Variants in DNAJB9 observed in about 807,000 individuals in gnomAD.
DNAJB9 encodes the protein dnaJ homolog subfamily B member 9.
In DNAJB9, 12 loss-of-function variants were observed where a neutral mutation model predicts 19.2. The ratio of observed to expected loss-of-function variants is 0.62; its 90% confidence interval spans 0.40 to 1.01. The LOEUF is 1.01. Ranked by LOEUF, DNAJB9 falls within the 50% of genes least tolerant of loss-of-function variation. The pLI is 0.00. For synonymous variants in DNAJB9, 83 were observed against 84.0 expected, an observed-to-expected ratio of 0.99 and a Z score of 0.07; for missense variants, 272 against 261.1, an observed-to-expected ratio of 1.04 and a Z score of -0.29.
rs143935810 is a variant in DNAJB9, at chr7:108,572,925, A to G, written c.244A>G (p.Arg82Gly). The G allele has an allele frequency of 6.6e-5, 106 of 1,608,356 alleles. No individual in the cohort carries two copies. The highest frequency in any genetic ancestry group is 7.8e-5 in the Non-Finnish European group (92 of 1,176,380). Reference sequence around the variant, plus strand: ...ATATGAAACACTCTCAGATGCTAATAGACGAAAAGAGTATGATACACTTGG... The same window carrying G: ...ATATGAAACACTCTCAGATGCTAATGGACGAAAAGAGTATGATACACTTGG... ...EAYETLSDAN[R>G]RKEYDTLGHS... The change falls in exon 3 of 3, where the codon AGA (arginine) becomes GGA (glycine). Residue 82 changes from arginine (R) to glycine (G), a missense_variant. By Grantham distance (125) the Arg-to-Gly change is moderately radical (BLOSUM62 -2). Transcript: ENST00000249356.
rs138168346 is a variant in DNAJB9, at chr7:108,571,810, T to A, written c.84T>A (p.Tyr28Ter). ...TELILASKSY[Y>*]DILGVPKSAS... The stretch of plus-strand genomic sequence containing the variant: ...TAATTCTGGCCTCAAAAAGCTACTA[T>A]GATATCTTAGGTGTGCCAAAATCGG... The change falls in exon 2 of 3, where the codon TAT becomes TAA. Residue 28 changes from tyrosine (Y) to a stop codon, truncating the protein, a stop_gained. Coordinates refer to ENST00000249356, the MANE Select transcript of DNAJB9 (RefSeq NM_012328.3). LOFTEE classifies it high-confidence loss of function. 1 of 1,614,202 alleles carries A rather than the reference T, an allele frequency of 6.2e-7. No homozygotes were observed. The highest frequency in any genetic ancestry group is 1.3e-5 in the African/African-American group (1 of 75,046).
rs752573127 is a variant in DNAJB9, at chr7:108,571,828, AAAATCGGCATCAGAGCGCC to A, written c.108_126del (p.Ala37ArgfsTer9). Reference sequence around the variant, plus strand: ...GCTACTATGATATCTTAGGTGTGCCAAAATCGGCATCAGAGCGCCAAATCAAGAAGGCCTTTCACAAGTT... The same window carrying A: ...GCTACTATGATATCTTAGGTGTGCCAAAATCAAGAAGGCCTTTCACAAGTT... On this transcript the variant is annotated frameshift_variant, in exon 2 of 3. Transcript: ENST00000249356. LOFTEE classifies it high-confidence loss of function. The A allele has an allele frequency of 6.2e-7, 1 of 1,614,214 alleles. No homozygotes were observed. Among genetic ancestry groups the A allele is most frequent in the East Asian group, 2.2e-5 (1 of 44,886 alleles).
chr7:108,572,834 A>C, intron 2 of DNAJB9, 65 bp from the exon 3 acceptor site: 1 of 1,342,356 alleles, frequency 7.4e-7, no homozygotes, highest in Non-Finnish European at 1.0e-6. Context: ...GCTTGAAGAG[A>C]TTTGAATATA....
chr7:108,573,307 G>T lies in DNAJB9; in HGVS notation c.626G>T (p.Arg209Leu). 6.2e-7 allele frequency: 1 copy of T among 1,609,180 alleles called. No homozygotes were observed. Among genetic ancestry groups the T allele is most frequent in the African/African-American group, 1.3e-5 (1 of 74,794 alleles). ...AAGCACTGCAGGACTGTCACTCAAC[G>T]AAGAGGAAATATGGTTACTACATAC... ...SSKHCRTVTQ[R>L]RGNMVTTYTD... The change falls in exon 3 of 3, where the codon CGA becomes CTA. Residue 209 changes from arginine (R) to leucine (L), a missense_variant. Arg to Leu is a moderately radical substitution (Grantham distance 102). Transcript: ENST00000249356.
Position 108,574,488 on chromosome 7 carries a change from A to C in DNAJB9, c.*1135A>C, listed in dbSNP as rs2286259. ...ATAAGCTATGGGACATATGCTGATC[A>C]CAGGCTATATTCATGAAGTTACTTT... On this transcript the variant is annotated 3_prime_UTR_variant, in exon 3 of 3. Coordinates refer to ENST00000249356, the MANE Select transcript of DNAJB9 (RefSeq NM_012328.3). 1.3e-5 allele frequency: 2 copies of C among 152,206 alleles called. No homozygotes were observed. The highest frequency in any genetic ancestry group is 4.8e-5 in the African/African-American group (2 of 41,448). The allele number at this position is 152,206 out of a possible 1,614,324, so 9.4% of individuals were successfully genotyped here.
chr7:108,572,722 T>C (rs2041003), intron 2 of DNAJB9, among the ~76,000 whole-genome samples, 177 bp from the exon 3 acceptor site: 77,930 of 151,938 alleles, frequency 0.51, 20,193 homozygotes, highest in East Asian at 0.6. Flanking sequence ...CAGTTTCTGC[T>C]TTATTTTATA....
chr7:108,572,846 G>C, intron 2 of DNAJB9, 53 bp from the exon 3 acceptor site: 1 of 1,418,996 alleles, frequency 7.0e-7, no homozygotes, highest in African/African-American at 1.4e-5. Context: ...TTGAATATAT[G>C]TAATTTTGAA....
Position 108,574,002 on chromosome 7 carries a change from T to A in DNAJB9, c.*649T>A, listed in dbSNP as rs1225028602. 6.6e-6 allele frequency: 1 copy of A among 152,576 alleles called. No homozygotes were observed. Among genetic ancestry groups the A allele is most frequent in the Non-Finnish European group, 1.5e-5 (1 of 68,012 alleles). 9.5% of individuals were successfully genotyped at this position (152,576 alleles called of 1,614,324 possible). ...ACGAAATATTGCCAAGAGATTGTTA[T>A]GTGTTTGGTTCCAGCCTAAAAATGA... On this transcript the variant is annotated 3_prime_UTR_variant, in exon 3 of 3. Coordinates refer to ENST00000249356, the MANE Select transcript of DNAJB9 (RefSeq NM_012328.3).
chr7:108,572,755 T>C (rs1034899629), intron 2 of DNAJB9, 144 bp from the exon 3 acceptor site: 2 of 648,032 alleles, frequency 3.1e-6, no homozygotes, highest in Admixed American at 6.6e-5. Flanking sequence ...TTGATGCTTA[T>C]ATTTGTAGTG....
At chr7:108,570,909 C>G (rs1037824735) in intron 1 of DNAJB9, among the ~76,000 whole-genome samples, 3 of 152,100 alleles carry the variant, frequency 2.0e-5, no homozygotes, top group African/African-American at 7.2e-5. Flanking sequence ...TACATATTGT[C>G]AAGAATTCTA....
chr7:108,573,294 A>C lies in DNAJB9; in HGVS notation c.613A>C (p.Thr205Pro). Reference protein sequence around the residue: ...RFHGSSKHCRTVTQRRGNMVT... With the variant: ...RFHGSSKHCRPVTQRRGNMVT... ...TCATGGATCTAGCAAGCACTGCAGG[A>C]CTGTCACTCAACGAAGAGGAAATAT... Residue 205 changes from threonine (T) to proline (P), a missense_variant, in exon 3 of 3, where the codon ACT becomes CCT. Thr to Pro is a conservative substitution (Grantham distance 38, BLOSUM62 -1). Coordinates refer to ENST00000249356, the MANE Select transcript of DNAJB9 (RefSeq NM_012328.3). 6.2e-7 allele frequency: 1 copy of C among 1,611,454 alleles called. No individual in the cohort carries two copies. The highest frequency in any genetic ancestry group is 1.1e-5 in the South Asian group (1 of 90,620).
intron 1 of DNAJB9, among the ~76,000 whole-genome samples, chr7:108,571,010 A>C (rs923216718): frequency 1.3e-5 from 2 of 152,242 alleles, no homozygotes; most frequent in East Asian, 3.8e-4. Flanking sequence ...CACAGTACAA[A>C]CTATCAAAGT....
intron 2 of DNAJB9, 45 bp downstream of exon 2, chr7:108,571,988 A>G (rs1790628384): frequency 6.3e-7 from 1 of 1,576,566 alleles, no homozygotes; most frequent in African/African-American, 1.3e-5. Context: ...ATTAACTAGT[A>G]AGGAGAATGA....
rs569827974 is a variant in DNAJB9 at position 108,569,954 on chromosome 7, C to G, written c.-160C>G. On this transcript the variant is annotated 5_prime_UTR_variant, in exon 1 of 3. Coordinates refer to ENST00000249356, the MANE Select transcript of DNAJB9 (RefSeq NM_012328.3). ...CTGGGCGCCGGCGGGGAAGGAGGAG[C>G]GCTAGGTCGGTGTACGACCGAGATT... 5.3e-4 allele frequency: 177 copies of G among 332,416 alleles called. No homozygotes were observed. The highest frequency in any genetic ancestry group is 3.8e-3 in the South Asian group (122 of 31,708). The allele number at this position is 332,416 out of a possible 1,614,324, so 20.6% of individuals were successfully genotyped here.
Position 108,571,595 on chromosome 7 carries a change from A to G in DNAJB9, c.-10-122A>G, listed in dbSNP as rs1790621833. 11 of 742,360 alleles carry G rather than the reference A, an allele frequency of 1.5e-5. No homozygotes were observed. In the South Asian group the frequency reaches 2.1e-4, roughly 14 times the overall value. 46.0% of individuals were successfully genotyped at this position (742,360 alleles called of 1,614,324 possible). A position where few individuals can be genotyped will look rare whatever the true frequency, so the allele number is the denominator to read the frequency against. ...GTGAAATTACATGTGGACAGGTAAT[A>G]GATACTGTATGCTTACTATTTTGAT... On this transcript the variant is annotated intron_variant, in intron 1 of 2. Transcript: ENST00000249356.
At chr7:108,571,149 A>G (rs1790613400) in intron 1 of DNAJB9, among the ~76,000 whole-genome samples, 5 of 152,166 alleles carry the variant, frequency 3.3e-5, no homozygotes, top group Admixed American at 3.3e-4. Flanking sequence ...ATTCTATTGT[A>G]TTGTCAGTAT....
At chr7:108,571,431 A>C (rs568817697) in intron 1 of DNAJB9, among the ~76,000 whole-genome samples, 1 of 152,056 alleles carries the variant, frequency 6.6e-6, no homozygotes, top group Non-Finnish European at 1.5e-5. Context: ...TGAATCTTCA[A>C]TATAAACTGG....
chr7:108,571,355 TGAAAG>T (rs781706035), intron 1 of DNAJB9, among the ~76,000 whole-genome samples: 13 of 152,078 alleles, frequency 8.5e-5, no homozygotes, highest in African/African-American at 2.2e-4. Context: ...TATGAAGTCT[TGAAAG>T]GAAAGTTGGG....
At position 108,573,050 on chromosome 7, in the gene DNAJB9, CT is replaced by C. The variant is rs780799944; in HGVS notation, c.375del (p.Phe125LeufsTer118). The stretch of plus-strand genomic sequence containing the variant: ...TTGATGACTTATTTAAAGACTTTGG[CT>C]TTTTTGGTCAAAACCAAAACACTGG... ...NFDDLFKDFG[F>X]FGQNQNTGSK... On this transcript the variant is annotated frameshift_variant, in exon 3 of 3. Coordinates refer to ENST00000249356, the MANE Select transcript of DNAJB9 (RefSeq NM_012328.3). LOFTEE classifies it high-confidence loss of function. The C allele has an allele frequency of 3.1e-6, 5 of 1,613,932 alleles. No individual in the cohort carries two copies. The South Asian group carries it at 5.5e-5, about 18-fold the overall frequency.
Sources: allele counts gnomAD v4.1 joint callset (sites outside exome capture counted in the v4.1 genomes callset), GRCh38; gene constraint gnomAD v4.1.1; transcripts MANE v1.5; gene names NCBI Gene and HGNC (gene_info 2026-07-23, HGNC 2026-07-21).